The following BTBD7 variants were observed in gnomAD, a reference collection of about 807,000 sequenced individuals.
BTBD7 encodes BTB/POZ domain-containing protein 7.
Under a neutral mutation model 99.9 loss-of-function variants are expected in BTBD7, and 38 were observed. The ratio of observed to expected loss-of-function variants is 0.38; its 90% CI spans 0.29 to 0.50. BTBD7 has a LOEUF of 0.50. Among genes scored for constraint, BTBD7 ranks in the 20% least tolerant of loss-of-function variants. The pLI is 0.93. For missense variants in BTBD7, 1,170 were observed against 1,394.6 expected (o/e 0.84, Z 2.57); for synonymous variants, 520 against 511.4 (o/e 1.02, Z -0.23).
intron 1 of BTBD7, among the ~76,000 whole-genome samples, chr14:93,305,052 G>C (rs1239331153): frequency 6.6e-6 from 1 of 152,208 alleles, no homozygotes; most frequent in Non-Finnish European, 1.5e-5. Context: ...CTAGCCCTAT[G>C]AATTATTCAA....
At position 93,263,788 on chromosome 14, in the gene BTBD7, T is replaced by C; in HGVS notation, c.1368A>G (p.Leu456=). ...TGAGAGGTGTTTAAATGATTACCTGTAGGTAGTCAGACTGGATAGCAGTAA... is the reference window on the plus strand; with the variant it reads ...TGAGAGGTGTTTAAATGATTACCTGCAGGTAGTCAGACTGGATAGCAGTAA... ...HLLTAIQSDY[L]QASEQDILKY... The change falls in exon 4 of 11, where the codon CTA becomes CTG. Residue 456 remains leucine, a synonymous_variant. Coordinates refer to ENST00000334746, the MANE Select transcript of BTBD7 (RefSeq NM_001002860.4). The C allele has an allele frequency of 2.5e-6, 4 of 1,611,762 alleles. No individual in the cohort carries two copies. Among genetic ancestry groups the C allele is most frequent in the South Asian group, 1.1e-5 (1 of 91,044 alleles).
chr14:93,311,424 C>T (rs1436521065), intron 1 of BTBD7, among the ~76,000 whole-genome samples: 1 of 152,138 alleles, frequency 6.6e-6, no homozygotes, highest in Admixed American at 6.5e-5. Context: ...ATTCAGAAAC[C>T]ACAATCTCAG....
chr14:93,321,612 A>G (rs998194419), intron 1 of BTBD7, among the ~76,000 whole-genome samples: 1 of 151,952 alleles, frequency 6.6e-6, no homozygotes, highest in African/African-American at 2.4e-5. Flanking sequence ...AGCAAACAAT[A>G]CCCCAAAGGT....
intron 1 of BTBD7, among the ~76,000 whole-genome samples, chr14:93,327,508 G>A (rs1192790180): frequency 6.6e-6 from 1 of 152,138 alleles, no homozygotes; most frequent in Non-Finnish European, 1.5e-5. Context: ...TTCTGTCAAT[G>A]ACTCCAGGAT....
chr14:93,262,270 C>A (rs895346896), intron 4 of BTBD7, among the ~76,000 whole-genome samples: 11 of 151,986 alleles, frequency 7.2e-5, no homozygotes, highest in Admixed American at 3.9e-4. Flanking sequence ...GTAGCTGGGA[C>A]TACAGGCGCC....
rs979738574 is a variant in BTBD7, at chr14:93,237,635, G to C, written c.*4638C>G. 3.3e-5 allele frequency: 5 copies of C among 152,592 alleles called. No homozygotes were observed. The highest frequency in any genetic ancestry group is 1.2e-4 in the African/African-American group (5 of 41,426). 9.5% of individuals were successfully genotyped at this position (152,592 alleles called of 1,614,324 possible). A position where few individuals can be genotyped will look rare whatever the true frequency, so the allele number is the denominator to read the frequency against. On this transcript the variant is annotated 3_prime_UTR_variant, in exon 11 of 11. Coordinates refer to ENST00000334746, the MANE Select transcript of BTBD7 (RefSeq NM_001002860.4). Reference sequence around the variant, plus strand: ...GCTTATCAGTAACAGTAGAAAAATAGAAGCAGTGAAAACCTCTGTACAACT... The same window carrying C: ...GCTTATCAGTAACAGTAGAAAAATACAAGCAGTGAAAACCTCTGTACAACT...
rs1291914746 is a variant in BTBD7 at position 93,242,845 on chromosome 14, G to T, written c.2827C>A (p.Pro943Thr). 3.1e-6 allele frequency: 5 copies of T among 1,614,148 alleles called. No homozygotes were observed. The highest frequency in any genetic ancestry group is 4.2e-6 in the Non-Finnish European group (5 of 1,180,034). ...GCATTTGAGAAGTCATAGAAATCCG[G>T]ATATTCCTGTGGATTTTCTCTGGTG... ...TDTRENPQEY[P>T]DFYDFSNAAC... is the part of the protein sequence containing the mutation. The change falls in exon 11 of 11, where the codon CCG becomes ACG. Residue 943 changes from proline to threonine, a missense_variant. Pro to Thr is a conservative substitution (Grantham distance 38, BLOSUM62 -1). Coordinates refer to ENST00000334746, the MANE Select transcript of BTBD7 (RefSeq NM_001002860.4).
At chr14:93,255,856 T>C (rs1008411032) in intron 6 of BTBD7, 1 of 152,254 alleles carries the variant, frequency 6.6e-6, no homozygotes, top group African/African-American at 2.4e-5. Flanking sequence ...GTAGTGGTAC[T>C]ATAACTACTA....
rs1268517063 is a variant in BTBD7, at chr14:93,245,868, G to A, written c.2540C>T (p.Ser847Leu). 7 of 1,613,832 alleles carry A rather than the reference G, an allele frequency of 4.3e-6. No individual in the cohort carries two copies. Among genetic ancestry groups the A allele is most frequent in the Non-Finnish European group, 5.9e-6 (7 of 1,179,908 alleles). ...TGCTGCTGCTGCTGCTGTTGCTGTT[G>A]AGGTGGTGGTGGCGGCAGCAGCAGC... ...TVAAAAATTT[S>L]TATAAAAAAS... The change falls in exon 10 of 11, where the codon TCA (serine) becomes TTA (leucine). Residue 847 changes from serine (S) to leucine (L), a missense_variant. This residue lies in a region of BTBD7 where 495 missense variants were observed against 525.9 expected (regional missense o/e 0.94). Transcript: ENST00000334746.
intron 1 of BTBD7, among the ~76,000 whole-genome samples, chr14:93,297,904 G>A (rs2052948511): frequency 6.6e-6 from 1 of 152,134 alleles, no homozygotes. Context: ...AAATGAGGGG[G>A]GAAAAAGACT....
At position 93,294,588 on chromosome 14, in the gene BTBD7, T is replaced by C. The variant is rs749657212; in HGVS notation, c.432A>G (p.Val144=). The part of the protein sequence containing the change: ...DLYEYKYCTD[V]DLIFQETCFP... ...AACAAGTTTCTTGAAATATTAAGTC[T>C]ACATCAGTACAATACTTGTACTCAT... The change falls in exon 3 of 11, where the codon GTA becomes GTG. Residue 144 remains valine (V), a synonymous_variant. Coordinates refer to ENST00000334746, the MANE Select transcript of BTBD7 (RefSeq NM_001002860.4). The C allele has an allele frequency of 6.2e-7, 1 of 1,614,040 alleles. No individual in the cohort carries two copies. Among genetic ancestry groups the C allele is most frequent in the Non-Finnish European group, 8.5e-7 (1 of 1,180,034 alleles).
chr14:93,259,962 T>A (rs939679078), intron 5 of BTBD7, among the ~76,000 whole-genome samples: 1 of 151,800 alleles, frequency 6.6e-6, no homozygotes, highest in Non-Finnish European at 1.5e-5. Context: ...AAAACAAAAA[T>A]CATAACTTTG....
At chr14:93,310,949 T>G (rs1462354557) in intron 1 of BTBD7, among the ~76,000 whole-genome samples, 1 of 152,058 alleles carries the variant, frequency 6.6e-6, no homozygotes. Flanking sequence ...TAGTCTATCA[T>G]TCTTTCTTTA....
At position 93,248,580 on chromosome 14, in the gene BTBD7, C is replaced by A. The variant is rs766345972; in HGVS notation, c.2017G>T (p.Ala673Ser). ...CCTTCCCCGCAGTTCAGGGCATAGG[C>A]CCTCTGCACCTGCTCCGTGTGCCGC... is the stretch of plus-strand genomic sequence containing the variant. ...ELRHTEQVQR[A>S]YALNCGEGAT... Residue 673 changes from alanine to serine, a missense_variant, in exon 9 of 11, where the codon GCC becomes TCC. Ala to Ser is a moderately conservative substitution (Grantham distance 99). Transcript: ENST00000334746. 1.2e-6 allele frequency: 2 copies of A among 1,614,054 alleles called. No homozygotes were observed. The highest frequency in any genetic ancestry group is 3.3e-5 in the Admixed American group (2 of 60,026).
intron 1 of BTBD7, among the ~76,000 whole-genome samples, chr14:93,310,182 A>G (rs2053121482): frequency 6.6e-6 from 1 of 152,230 alleles, no homozygotes; most frequent in Non-Finnish European, 1.5e-5. Context: ...AATCTCAGAT[A>G]GCATATTATT....
chr14:93,281,779 G>C (rs1182382298), intron 3 of BTBD7, among the ~76,000 whole-genome samples: 1 of 152,174 alleles, frequency 6.6e-6, no homozygotes, highest in East Asian at 1.9e-4. Context: ...TTTGGGAAAA[G>C]CATTGGTAGT....
chr14:93,301,194 A>T (rs1049982180), intron 1 of BTBD7, among the ~76,000 whole-genome samples: 2 of 144,342 alleles, frequency 1.4e-5, no homozygotes, highest in Non-Finnish European at 3.1e-5. Flanking sequence ...GTCTTTCCAA[A>T]TTTTTTTTTT....
At chr14:93,299,586 T>C (rs1234194130) in intron 1 of BTBD7, among the ~76,000 whole-genome samples, 1 of 148,422 alleles carries the variant, frequency 6.7e-6, no homozygotes, top group African/African-American at 2.5e-5. Flanking sequence ...CTTAATAGCA[T>C]ATGATCAATC....
intron 1 of BTBD7, among the ~76,000 whole-genome samples, chr14:93,296,801 G>A (rs2139774008): frequency 6.6e-6 from 1 of 151,950 alleles, no homozygotes; most frequent in Admixed American, 6.6e-5. Context: ...ACCCCATAAA[G>A]CCCTGAAAAA....
Sources: allele counts gnomAD v4.1 joint callset (sites outside exome capture counted in the v4.1 genomes callset), GRCh38; gene constraint gnomAD v4.1.1; regional missense constraint gnomAD v4.1.1; transcripts MANE v1.5; gene names NCBI Gene and HGNC (gene_info 2026-07-23, HGNC 2026-07-21).